SNAP23: variants seen among roughly 807,000 people sequenced by gnomAD.
SNAP23 encodes synaptosome associated protein 23.
A neutral mutation model predicts 29.0 loss-of-function variants in SNAP23; 11 were observed. The observed-to-expected ratio is 0.38, with a 90% CI of 0.24 to 0.63. The LOEUF is 0.63. SNAP23 is among the 20% of genes least tolerant of loss of function. SNAP23 has a pLI of 0.58. For missense variants in SNAP23, 220 were observed against 253.9 expected (o/e 0.87, Z 0.91); for synonymous variants, 60 against 82.9 (o/e 0.72, Z 1.50).
chr15:42,499,193 C>T (rs2057247994), intron 1 of SNAP23, among the ~76,000 whole-genome samples: 1 of 151,882 alleles, frequency 6.6e-6, no homozygotes. Context: ...CTCAGCCTCC[C>T]GAGTAGCTGG....
chr15:42,512,698 G>A (rs1194714464), intron 2 of SNAP23, among the ~76,000 whole-genome samples: 1 of 151,552 alleles, frequency 6.6e-6, no homozygotes, highest in East Asian at 1.9e-4. Flanking sequence ...TTAAAGGGAA[G>A]GATAGGCTGG....
intron 1 of SNAP23, among the ~76,000 whole-genome samples, chr15:42,502,286 A>C (rs1183774283): frequency 1.3e-5 from 2 of 152,030 alleles, no homozygotes; most frequent in Non-Finnish European, 2.9e-5. Context: ...AGCCTCCCAA[A>C]GTGCTGGGAT....
chr15:42,509,224 A>T (rs775263634), intron 1 of SNAP23, among the ~76,000 whole-genome samples: 3 of 152,194 alleles, frequency 2.0e-5, no homozygotes, highest in Non-Finnish European at 4.4e-5. Context: ...TGTATGTATG[A>T]TAAAGCTTAA....
chr15:42,528,512 A>C, intron 6 of SNAP23, 92 bp downstream of exon 6: 1 of 1,201,974 alleles, frequency 8.3e-7, no homozygotes, highest in Non-Finnish European at 1.2e-6. Context: ...CTAATAAAAC[A>C]AATAAAAATT....
In SNAP23 at chr15:42,532,788, A is replaced by C. The variant is rs1354248195; in HGVS notation, c.*1310A>C. The C allele has an allele frequency of 6.6e-6, 1 of 152,668 alleles. No homozygotes were observed. The highest frequency in any genetic ancestry group is 6.5e-5 in the Admixed American group (1 of 15,288). The allele number at this position is 152,668 out of a possible 1,614,324, so 9.5% of individuals were successfully genotyped here. ...GTTTTATGTAGCTTTAGACTTTAAA[A>C]AGTTAGAATTTATTCTGTAACTAAA... On this transcript the variant is annotated 3_prime_UTR_variant, in exon 8 of 8. Coordinates refer to ENST00000249647, the MANE Select transcript of SNAP23 (RefSeq NM_003825.4).
chr15:42,528,516 A>T (rs2057529050), intron 6 of SNAP23, 96 bp downstream of exon 6: 1 of 1,178,330 alleles, frequency 8.5e-7, no homozygotes, highest in Non-Finnish European at 1.2e-6. Context: ...TAAAACAAAT[A>T]AAAATTGTAT....
intron 1 of SNAP23, among the ~76,000 whole-genome samples, chr15:42,496,254 T>C (rs1377501826): frequency 3.9e-5 from 6 of 152,178 alleles, no homozygotes; most frequent in Non-Finnish European, 5.9e-5. Context: ...TTTTTTCTTC[T>C]TTAATCAGTC....
At chr15:42,494,435 C>G (rs2057198437), upstream of SNAP23, among the ~76,000 whole-genome samples, 1 of 149,576 alleles carries the variant, frequency 6.7e-6, no homozygotes, top group Non-Finnish European at 1.5e-5. Context: ...GGCACTGTCG[C>G]CAGTGATAGA....
chr15:42,516,132 T>A (rs2057394978), intron 5 of SNAP23, among the ~76,000 whole-genome samples: 1 of 152,182 alleles, frequency 6.6e-6, no homozygotes, highest in Non-Finnish European at 1.5e-5. Context: ...AACGACAGTA[T>A]CTGGAGATTG....
chr15:42,491,546 A>G (rs1042280223), upstream of SNAP23: 3 of 152,268 alleles, frequency 2.0e-5, no homozygotes, highest in African/African-American at 7.2e-5. Context: ...ATCTTGGACT[A>G]GCTACGAATA....
At chr15:42,524,140 A>C (rs539552188) in intron 5 of SNAP23, among the ~76,000 whole-genome samples, 2 of 152,098 alleles carry the variant, frequency 1.3e-5, no homozygotes, top group South Asian at 4.1e-4. Flanking sequence ...TTTAATCCTG[A>C]CATGTCCCTT....
chr15:42,529,528 G>T (rs904594139), intron 6 of SNAP23, 147 bp from the exon 7 acceptor site: 1 of 738,862 alleles, frequency 1.4e-6, no homozygotes, highest in Non-Finnish European at 2.2e-6. Flanking sequence ...TTTTATTATA[G>T]AATGTTTCCC....
At chr15:42,516,257 T>C (rs1410955025) in intron 5 of SNAP23, among the ~76,000 whole-genome samples, 2 of 152,134 alleles carry the variant, frequency 1.3e-5, no homozygotes, top group Non-Finnish European at 2.9e-5. Context: ...CTCTCTTTCC[T>C]GGGCACAAGA....
At chr15:42,522,562 A>G (rs1413191284) in intron 5 of SNAP23, among the ~76,000 whole-genome samples, 2 of 151,806 alleles carry the variant, frequency 1.3e-5, no homozygotes, top group African/African-American at 4.8e-5. Flanking sequence ...TAGTTTGACT[A>G]TCCAAAGCAT....
At chr15:42,499,642 C>A (rs2057252062) in intron 1 of SNAP23, among the ~76,000 whole-genome samples, 2 of 152,072 alleles carry the variant, frequency 1.3e-5, no homozygotes, top group South Asian at 4.1e-4. Flanking sequence ...ATAATAAATA[C>A]ATAACTATTA....
chr15:42,503,076 T>C (rs1051174907), intron 1 of SNAP23, among the ~76,000 whole-genome samples: 1 of 151,488 alleles, frequency 6.6e-6, no homozygotes, highest in African/African-American at 2.4e-5. Context: ...GGCCTGAAAA[T>C]GTAATTTTGG....
chr15:42,528,463 A>C, intron 6 of SNAP23, 43 bp downstream of exon 6: 1 of 1,595,454 alleles, frequency 6.3e-7, no homozygotes, highest in Non-Finnish European at 8.6e-7. Context: ...TTCTTAATGA[A>C]TGGTTCACTT....
intron 1 of SNAP23, among the ~76,000 whole-genome samples, chr15:42,506,840 A>T (rs558924914): frequency 6.6e-6 from 1 of 151,724 alleles, no homozygotes; most frequent in Admixed American, 6.6e-5. Context: ...TTTTTTGGAA[A>T]CAGGGTCTTG....
intron 5 of SNAP23, among the ~76,000 whole-genome samples, chr15:42,519,774 A>G (rs2057428278): frequency 6.6e-6 from 1 of 152,124 alleles, no homozygotes; most frequent in South Asian, 2.1e-4. Flanking sequence ...AAGTGCTGGT[A>G]TTACAGAAAT....
Sources: allele counts gnomAD v4.1 joint callset (sites outside exome capture counted in the v4.1 genomes callset), GRCh38; gene constraint gnomAD v4.1.1; transcripts MANE v1.5; gene names NCBI Gene and HGNC (gene_info 2026-07-23, HGNC 2026-07-21).